TNKS: variants seen among roughly 807,000 people sequenced by gnomAD.
The protein encoded by TNKS is tankyrase.
In TNKS, 72 loss-of-function variants were observed where a neutral mutation model predicts 135.8. That is an observed-to-expected ratio of 0.53 (90% CI 0.44 to 0.64). The LOEUF (loss-of-function observed/expected upper bound fraction) is 0.64. Among genes scored for constraint, TNKS ranks in the 30% least tolerant of loss-of-function variants. The pLI is 0.00. For synonymous variants in TNKS, 849 were observed against 649.3 expected, an observed-to-expected ratio of 1.31 and a Z score of -4.68; for missense variants, 1,769 against 1,674.0, an observed-to-expected ratio of 1.06 and a Z score of -0.99.
intron 3 of TNKS, among the ~76,000 whole-genome samples, chr8:9,666,049 C>A (rs1263506400): frequency 6.6e-6 from 1 of 152,046 alleles, no homozygotes; most frequent in African/African-American, 2.4e-5. Context: ...TAGGAGAATC[C>A]TCATCTTACT....
rs1808355031 is a variant in TNKS at position 9,778,987 on chromosome 8, G to A, written c.*2251G>A. 1 of 152,180 alleles carries A rather than the reference G, an allele frequency of 6.6e-6. No individual in the cohort carries two copies. Among genetic ancestry groups the A allele is most frequent in the Admixed American group, 6.5e-5 (1 of 15,272 alleles). The allele number at this position is 152,180 out of a possible 1,614,324, so 9.4% of individuals were successfully genotyped here. On this transcript the variant is annotated 3_prime_UTR_variant, in exon 27 of 27. Coordinates refer to ENST00000310430, the MANE Select transcript of TNKS (RefSeq NM_003747.3). Reference sequence around the variant, plus strand: ...CCTTACACTTGAGAAGTTAAACTGTGGTTCAGTATTTAAACTGCCAGTGTT... The same window carrying A: ...CCTTACACTTGAGAAGTTAAACTGTAGTTCAGTATTTAAACTGCCAGTGTT...
chr8:9,623,747 A>G (rs940883568), intron 3 of TNKS, among the ~76,000 whole-genome samples: 1 of 152,154 alleles, frequency 6.6e-6, no homozygotes, highest in South Asian at 2.1e-4. Flanking sequence ...CATGCCTGTA[A>G]TCTCAGCACT....
chr8:9,578,280 T>C (rs564534490), intron 1 of TNKS, among the ~76,000 whole-genome samples: 2 of 152,172 alleles, frequency 1.3e-5, no homozygotes, highest in South Asian at 4.1e-4. Context: ...AGTGGAAGAG[T>C]AGGGCATTGA....
rs375302258 is a variant in TNKS, at chr8:9,660,378, G to C, written c.995-19573G>C. On this transcript the variant is annotated intron_variant, in intron 3 of 26. Transcript: ENST00000310430. The stretch of plus-strand genomic sequence containing the variant: ...ACCGAATCCAGCAACACATCAAAAA[G>C]CTTATCCACCATGATCAAGTGGGCT... 2.9e-4 allele frequency among the ~76,000 whole-genome samples: 44 copies of C among 152,244 alleles called. No individual in the cohort carries two copies. In the South Asian group the frequency reaches 3.1e-3, roughly 11 times the overall value.
At chr8:9,657,440 T>C (rs1585287479) in intron 3 of TNKS, among the ~76,000 whole-genome samples, 4 of 74,376 alleles carry the variant, frequency 5.4e-5, no homozygotes, top group Non-Finnish European at 8.4e-5. Context: ...CCCCCCCACC[T>C]CCCTCCCGGA....
intron 2 of TNKS, among the ~76,000 whole-genome samples, chr8:9,586,485 T>C (rs952229459): frequency 9.9e-5 from 15 of 152,132 alleles, no homozygotes; most frequent in African/African-American, 3.6e-4. Context: ...ATGATTCTGC[T>C]GAGAGAGAGC....
rs546859375 is a variant in TNKS at position 9,716,309 on chromosome 8, G to A, written c.1750-4065G>A. On this transcript the variant is annotated intron_variant, in intron 11 of 26. Transcript: ENST00000310430. ...GTAGATTGATAAGTAGATTGTTAGC[G>A]CAAAGATGTTAAAGTACTTTTAAAG... is the stretch of plus-strand genomic sequence containing the variant. Among the ~76,000 whole-genome samples the A allele has an allele frequency of 4.6e-5, 7 of 152,114 alleles. No individual in the cohort carries two copies. In the East Asian group the frequency reaches 7.7e-4, roughly 17 times the overall value.
intron 2 of TNKS, among the ~76,000 whole-genome samples, chr8:9,598,712 TG>T (rs569847277): frequency 0.01 from 1,340 of 130,506 alleles, 27 homozygotes; most frequent in African/African-American, 0.039. Flanking sequence ...AATATGTGTG[TG>T]TGTGTGTGTG....
chr8:9,719,406 G>A (rs1804758885), intron 11 of TNKS, among the ~76,000 whole-genome samples: 2 of 152,156 alleles, frequency 1.3e-5, no homozygotes, highest in African/African-American at 4.8e-5. Flanking sequence ...GACCCAGAAA[G>A]TCTGTGTGTA....
At chr8:9,765,338 C>T (rs762493135) in intron 23 of TNKS, among the ~76,000 whole-genome samples, 7 of 151,876 alleles carry the variant, frequency 4.6e-5, no homozygotes, top group Non-Finnish European at 1.0e-4. Flanking sequence ...ATCAGAATAA[C>T]CCAGGGAACT....
At chr8:9,600,438 C>T (rs1389756421) in intron 2 of TNKS, among the ~76,000 whole-genome samples, 1 of 152,006 alleles carries the variant, frequency 6.6e-6, no homozygotes, top group African/African-American at 2.4e-5. Flanking sequence ...TTCAGCTTCC[C>T]AAGTAGCTGG....
Position 9,724,185 on chromosome 8 carries a change from C to G in TNKS, c.1922-2456C>G, listed in dbSNP as rs146004477. On this transcript the variant is annotated intron_variant, in intron 12 of 26. Transcript: ENST00000310430. Reference sequence around the variant, plus strand: ...GTTCTACAGGCTGAGTGTGGTTGCTCACGCCTATAATCCCTGCACTTTGGG... The same window carrying G: ...GTTCTACAGGCTGAGTGTGGTTGCTGACGCCTATAATCCCTGCACTTTGGG... Among the ~76,000 whole-genome samples the G allele has an allele frequency of 2.7e-4, 41 of 152,258 alleles. No individual in the cohort carries two copies. In the East Asian group the frequency reaches 7.7e-3, roughly 29 times the overall value.
chr8:9,715,031 T>C (rs1022956843), intron 11 of TNKS, among the ~76,000 whole-genome samples: 3 of 152,104 alleles, frequency 2.0e-5, no homozygotes, highest in Non-Finnish European at 4.4e-5. Flanking sequence ...CCCATGTTTA[T>C]AGAGCGGTGG....
At chr8:9,624,742 G>A (rs1358945424) in intron 3 of TNKS, among the ~76,000 whole-genome samples, 2 of 151,692 alleles carry the variant, frequency 1.3e-5, no homozygotes, top group Admixed American at 6.6e-5. Context: ...TAATACATTC[G>A]GCCCTAGGTG....
intron 3 of TNKS, among the ~76,000 whole-genome samples, chr8:9,664,639 C>G (rs1801903814): frequency 6.6e-6 from 1 of 152,196 alleles, no homozygotes; most frequent in African/African-American, 2.4e-5. Context: ...ATAAATCACT[C>G]ACAGTACATA....
chr8:9,618,988 T>C (rs892193758), intron 3 of TNKS, among the ~76,000 whole-genome samples: 1 of 152,224 alleles, frequency 6.6e-6, no homozygotes, highest in Admixed American at 6.5e-5. Flanking sequence ...CACAGTACCC[T>C]TCTATGAGTA....
intron 1 of TNKS, among the ~76,000 whole-genome samples, chr8:9,576,521 A>T (rs971819582): frequency 7.4e-6 from 1 of 135,876 alleles, no homozygotes; most frequent in Non-Finnish European, 1.5e-5. Context: ...CCCAGGCTGG[A>T]GTGCAGTGGG....
chr8:9,585,331 A>T (rs540256974), intron 2 of TNKS, among the ~76,000 whole-genome samples: 46 of 152,266 alleles, frequency 3.0e-4, no homozygotes, highest in African/African-American at 1.0e-3. Context: ...CTTACACGTG[A>T]TATGAGTTTC....
chr8:9,751,746 C>A lies in TNKS; in HGVS notation c.2970C>A (p.Ser990Arg). 6.2e-6 allele frequency: 10 copies of A among 1,614,188 alleles called. No individual in the cohort carries two copies. The highest frequency in any genetic ancestry group is 8.5e-6 in the Non-Finnish European group (10 of 1,180,040). ...CCCCCTCCTGCCTCTCGGCTGCCAG[C>A]AGCATAGACAACCTCACTGGCCCTT... ...ASTPSCLSAA[S>R]SIDNLTGPLA... Residue 990 changes from serine (S) to arginine (R), a missense_variant, in exon 19 of 27, where the codon AGC becomes AGA. Around this residue, in one of 5 missense-constraint regions of TNKS, gnomAD observed 722 missense variants for 688.9 expected, o/e 1.05. Coordinates refer to ENST00000310430, the MANE Select transcript of TNKS (RefSeq NM_003747.3).
Sources: allele counts gnomAD v4.1 joint callset (sites outside exome capture counted in the v4.1 genomes callset), GRCh38; gene constraint gnomAD v4.1.1; regional missense constraint gnomAD v4.1.1; transcripts MANE v1.5; gene names NCBI Gene and HGNC (gene_info 2026-07-23, HGNC 2026-07-21).